The following FOCAD variants were observed in gnomAD, a reference collection of about 807,000 sequenced individuals.
FOCAD encodes the protein KIAA1797.
Under a neutral mutation model 225.6 loss-of-function variants are expected in FOCAD, and 198 were observed. That is an observed-to-expected ratio of 0.88 (90% CI 0.78 to 0.99). FOCAD has a LOEUF of 0.99. Among genes scored for constraint, FOCAD ranks in the 50% least tolerant of loss-of-function variants. FOCAD has a pLI of 0.00. For synonymous variants in FOCAD, 897 were observed against 755.0 expected, an observed-to-expected ratio of 1.19 and a Z score of -3.08; for missense variants, 2,713 against 2,123.6, an observed-to-expected ratio of 1.28 and a Z score of -5.46.
intron 20 of FOCAD, among the ~76,000 whole-genome samples, chr9:20,883,562 A>G (rs951997553): frequency 1.3e-5 from 2 of 152,220 alleles, no homozygotes; most frequent in African/African-American, 4.8e-5. Context: ...TCTGATGACA[A>G]TGGGATTAAG....
intron 21 of FOCAD, among the ~76,000 whole-genome samples, chr9:20,893,744 G>A (rs1249344252): frequency 6.6e-6 from 1 of 152,000 alleles, no homozygotes; most frequent in Non-Finnish European, 1.5e-5. Context: ...GCAAAATTGA[G>A]AGCAATGTAT....
chr9:20,774,440 C>A (rs1396630812), intron 8 of FOCAD, among the ~76,000 whole-genome samples: 1 of 152,156 alleles, frequency 6.6e-6, no homozygotes, highest in African/African-American at 2.4e-5. Context: ...TCCTATCATT[C>A]CTTCTCCATT....
At position 20,798,828 on chromosome 9, in the gene FOCAD, T is replaced by C. The variant is rs144547492; in HGVS notation, c.1455+9220T>C. On this transcript the variant is annotated intron_variant, in intron 11 of 43. Coordinates refer to ENST00000338382, the MANE Select transcript of FOCAD (RefSeq NM_001375567.1). Reference sequence around the variant, plus strand: ...TGGATTCATTGATTTTTTTGAAGGGTTTTTTGTGTCTCTATTTCCTTCAGT... The same window carrying C: ...TGGATTCATTGATTTTTTTGAAGGGCTTTTTGTGTCTCTATTTCCTTCAGT... 3.2e-4 allele frequency among the ~76,000 whole-genome samples: 48 copies of C among 152,242 alleles called. 1 individual carries two copies. In the East Asian group the frequency reaches 9.2e-3, roughly 29 times the overall value.
intron 26 of FOCAD, among the ~76,000 whole-genome samples, chr9:20,928,313 A>G (rs1835149385): frequency 5.3e-5 from 8 of 152,186 alleles, no homozygotes; most frequent in Admixed American, 5.2e-4. Context: ...CAGCTGGATC[A>G]TTTTGAGTAA....
At chr9:20,762,011 C>G (rs1829648178) in intron 6 of FOCAD, among the ~76,000 whole-genome samples, 1 of 152,072 alleles carries the variant, frequency 6.6e-6, no homozygotes, top group Non-Finnish European at 1.5e-5. Flanking sequence ...AGTATATTGT[C>G]CTTAAGGAAG....
At chr9:20,877,276 C>T (rs892729629) in intron 19 of FOCAD, among the ~76,000 whole-genome samples, 7 of 151,926 alleles carry the variant, frequency 4.6e-5, no homozygotes, top group Admixed American at 2.6e-4. Context: ...TTGTAATTGC[C>T]GAAATCCTGA....
intron 21 of FOCAD, among the ~76,000 whole-genome samples, chr9:20,898,565 T>C (rs1832297952): frequency 6.6e-6 from 1 of 151,938 alleles, no homozygotes; most frequent in South Asian, 2.1e-4. Flanking sequence ...TTTTCGTCTC[T>C]AGCATTTATT....
At chr9:20,941,190 A>C (rs1258216259) in intron 28 of FOCAD, among the ~76,000 whole-genome samples, 7 of 152,108 alleles carry the variant, frequency 4.6e-5, no homozygotes, top group Admixed American at 4.6e-4. Context: ...TCCCGATTTA[A>C]TGGACATCTC....
chr9:20,936,980 T>G (rs1836042071), intron 28 of FOCAD, among the ~76,000 whole-genome samples: 1 of 152,066 alleles, frequency 6.6e-6, no homozygotes, highest in Non-Finnish European at 1.5e-5. Flanking sequence ...CATTCACAAT[T>G]GCTTCAAAGA....
At chr9:20,706,455 C>T (rs1824395984) in intron 1 of FOCAD, among the ~76,000 whole-genome samples, 1 of 152,100 alleles carries the variant, frequency 6.6e-6, no homozygotes, top group Admixed American at 6.6e-5. Flanking sequence ...AACTCATAGT[C>T]ATGTAAATTT....
rs528936265 is a variant in FOCAD, at chr9:20,809,372, G to A, written c.1456-10424G>A. The stretch of plus-strand genomic sequence containing the variant: ...TAAGCCCTTGAAATTTGGCTAGTGT[G>A]ACTGAGGAACAGAAGTTTTAATCGT... On this transcript the variant is annotated intron_variant, in intron 11 of 43. Transcript: ENST00000338382. 2.6e-4 allele frequency among the ~76,000 whole-genome samples: 40 copies of A among 152,216 alleles called. No individual in the cohort carries two copies. In the South Asian group the frequency reaches 8.1e-3, roughly 31 times the overall value.
rs1416528340 is a variant in FOCAD at position 20,720,294 on chromosome 9, AT to A, written c.133-84del. ...AGGAAAGCTAGCCTACTGTGAACAA[AT>A]TACTCATTGATGAATGACCAAAGGT... On this transcript the variant is annotated intron_variant, in intron 3 of 43. Coordinates refer to ENST00000338382, the MANE Select transcript of FOCAD (RefSeq NM_001375567.1). 8.3e-6 allele frequency: 11 copies of A among 1,326,074 alleles called. No individual in the cohort carries two copies. The Middle Eastern group carries it at 1.7e-3, about 207-fold the overall frequency. The allele number at this position is 1,326,074 out of a possible 1,614,324, so 82.1% of individuals were successfully genotyped here.
At chr9:20,797,881 A>G (rs959763765) in intron 11 of FOCAD, among the ~76,000 whole-genome samples, 2 of 152,096 alleles carry the variant, frequency 1.3e-5, no homozygotes, top group Admixed American at 6.5e-5. Flanking sequence ...TTCCAACACT[A>G]TGTCGAATGG....
chr9:20,942,315 G>C (rs543438577), intron 28 of FOCAD, among the ~76,000 whole-genome samples: 1 of 152,164 alleles, frequency 6.6e-6, no homozygotes, highest in Non-Finnish European at 1.5e-5. Context: ...ATGAAAGAGG[G>C]GCTTCAATCT....
intron 15 of FOCAD, among the ~76,000 whole-genome samples, chr9:20,824,725 A>G (rs1300511773): frequency 6.6e-6 from 1 of 152,132 alleles, no homozygotes; most frequent in Non-Finnish European, 1.5e-5. Context: ...AAATAAGATT[A>G]TACACAAAAA....
chr9:20,663,496 CA>C (rs1468292867), intron 2 of FOCAD, among the ~76,000 whole-genome samples: 8 of 151,672 alleles, frequency 5.3e-5, no homozygotes, highest in Non-Finnish European at 7.4e-5. Flanking sequence ...CACACACACA[CA>C]CACACACACA....
intron 15 of FOCAD, among the ~76,000 whole-genome samples, chr9:20,825,318 A>G (rs1055715368): frequency 5.3e-5 from 8 of 152,036 alleles, no homozygotes; most frequent in African/African-American, 1.9e-4. Context: ...CCAGAGTGCT[A>G]TTCACAGAGG....
At chr9:20,658,500 G>C (rs1005404547) in intron 1 of FOCAD, 1 of 156,086 alleles carries the variant, frequency 6.4e-6, no homozygotes, top group South Asian at 2.0e-4. Context: ...TTTTAAGCCC[G>C]TCGGAAAAGC....
At chr9:20,804,594 A>G (rs961141052) in intron 11 of FOCAD, among the ~76,000 whole-genome samples, 8 of 151,630 alleles carry the variant, frequency 5.3e-5, no homozygotes, top group African/African-American at 1.9e-4. Flanking sequence ...AATCGGATGA[A>G]TTGTCTTGTT....
Sources: gnomAD v4.1 joint callset for allele counts (sites outside exome capture counted in the v4.1 genomes callset) on GRCh38, gnomAD v4.1.1 for gene constraint, MANE v1.5 for transcripts, NCBI Gene and HGNC (gene_info 2026-07-23, HGNC 2026-07-21) for gene names.